The following SERPINA4 variants were observed in gnomAD, a reference collection of about 807,000 sequenced individuals.
SERPINA4 encodes the protein kallistatin.
Under a neutral mutation model 25.4 loss-of-function variants are expected in SERPINA4, and 24 were observed. The ratio of observed to expected loss-of-function variants is 0.95; its 90% CI spans 0.69 to 1.33. The LOEUF is 1.33. SERPINA4 is among the 40% of genes most tolerant of loss of function. The pLI is 0.00. For missense variants in SERPINA4, 553 were observed against 535.8 expected (o/e 1.03, Z -0.32); for synonymous variants, 242 against 223.6 (o/e 1.08, Z -0.73).
Position 94,567,072 on chromosome 14 carries a change from A to G in SERPINA4, c.752A>G (p.Glu251Gly). The G allele has an allele frequency of 6.2e-7, 1 of 1,614,194 alleles. No individual in the cohort carries two copies. Among genetic ancestry groups the G allele is most frequent in the Non-Finnish European group, 8.5e-7 (1 of 1,180,036 alleles). ...GTGCCCATGATGCTGCAGGACCAGG[A>G]GCATCACTGGTATCTTCATGACAGA... ...VRVPMMLQDQ[E>G]HHWYLHDRYL... is the part of the protein sequence containing the mutation. Residue 251 changes from glutamate to glycine, a missense_variant, in exon 3 of 5, where the codon GAG becomes GGG. Glu to Gly is a moderately conservative substitution (Grantham distance 98, BLOSUM62 -2). Coordinates refer to ENST00000557004, the MANE Select transcript of SERPINA4 (RefSeq NM_006215.4).
intron 2 of SERPINA4, among the ~76,000 whole-genome samples, chr14:94,564,389 A>C (rs982948993): frequency 6.6e-6 from 1 of 152,224 alleles, no homozygotes; most frequent in African/African-American, 2.4e-5. Flanking sequence ...GCCAGTGATC[A>C]TTAGTTGAAT....
chr14:94,563,638 C>G lies in SERPINA4; in HGVS notation c.156C>G (p.Ala52=), dbSNP rs1902098271. The change falls in exon 2 of 5, where the codon GCC becomes GCG. Residue 52 remains alanine, a synonymous_variant. Transcript: ENST00000557004. ...AGGGCTCCCCCAGCCTCAAGATAGC[C>G]CCTGCCAATGCTGACTTTGCCTTCC... ...TGEGSPSLKI[A]PANADFAFRF... 6.2e-7 allele frequency: 1 copy of G among 1,613,766 alleles called. No individual in the cohort carries two copies. Among genetic ancestry groups the G allele is most frequent in the Admixed American group, 1.7e-5 (1 of 60,006 alleles).
chr14:94,562,741 G>A (rs1361013017), intron 1 of SERPINA4, among the ~76,000 whole-genome samples: 1 of 152,206 alleles, frequency 6.6e-6, no homozygotes, highest in Non-Finnish European at 1.5e-5. Context: ...ACCATTTGAT[G>A]GGGCAGGAGC....
In SERPINA4 at chr14:94,569,651, G is replaced by T; in HGVS notation, c.*56G>T. 2 of 1,567,856 alleles carry T rather than the reference G, an allele frequency of 1.3e-6. No homozygotes were observed. Among genetic ancestry groups the T allele is most frequent in the Non-Finnish European group, 1.8e-6 (2 of 1,139,852 alleles). ...AGGAGGATGTGGCAGGGGAGGGCTG[G>T]GAGTGAGTAGCTCTGTGTTTAGAGT... On this transcript the variant is annotated 3_prime_UTR_variant, in exon 5 of 5. Coordinates refer to ENST00000557004, the MANE Select transcript of SERPINA4 (RefSeq NM_006215.4).
rs968713256 is a variant in SERPINA4 at position 94,561,626 on chromosome 14, G to A, written c.-18+132G>A. 4.1e-5 allele frequency: 52 copies of A among 1,274,056 alleles called. 1 individual carries two copies. The Middle Eastern group carries it at 1.6e-3, about 39-fold the overall frequency. 78.9% of individuals were successfully genotyped at this position (1,274,056 alleles called of 1,614,324 possible). A position where few individuals can be genotyped will look rare whatever the true frequency, so the allele number is the denominator to read the frequency against. On this transcript the variant is annotated intron_variant, in intron 1 of 4. Coordinates refer to ENST00000557004, the MANE Select transcript of SERPINA4 (RefSeq NM_006215.4). ...CTAAAACCAGGAAAGTCCCAGGCAA[G>A]CTGGGACACTTTGTCACTCTTGCTA...
chr14:94,567,808 A>G (rs984261695), intron 3 of SERPINA4, among the ~76,000 whole-genome samples: 6 of 152,260 alleles, frequency 3.9e-5, no homozygotes, highest in African/African-American at 4.8e-5. Context: ...TAAAACCCAC[A>G]GGGCTATAAC....
rs892395392 is a variant in SERPINA4 at position 94,569,814 on chromosome 14, C to A, written c.*219C>A. ...GCTGTGCAGCCTCTGGCAGAGCATC[C>A]GACCTCTTGGAGCAAGTTTCTGCCT... On this transcript the variant is annotated 3_prime_UTR_variant, in exon 5 of 5. Transcript: ENST00000557004. 3 of 585,544 alleles carry A rather than the reference C, an allele frequency of 5.1e-6. No homozygotes were observed. In the African/African-American group the frequency reaches 5.6e-5, roughly 11 times the overall value. The allele number at this position is 585,544 out of a possible 1,614,324, so 36.3% of individuals were successfully genotyped here.
In SERPINA4 at chr14:94,564,106, G is replaced by T. The variant is rs1275244810; in HGVS notation, c.624G>T (p.Val208=). ...AGCTCAAGAAGGACGTCTTGATGGT[G>T]CTGGTGAATTACATTTACTTCAAAG... ...VSELKKDVLM[V]LVNYIYFKAL... Residue 208 remains valine, a synonymous_variant, in exon 2 of 5, where the codon GTG becomes GTT. Coordinates refer to ENST00000557004, the MANE Select transcript of SERPINA4 (RefSeq NM_006215.4). 3.1e-6 allele frequency: 5 copies of T among 1,601,272 alleles called. No homozygotes were observed. Among genetic ancestry groups the T allele is most frequent in the Non-Finnish European group, 4.2e-6 (5 of 1,179,938 alleles).
rs1212049571 is a variant in SERPINA4 at position 94,564,039 on chromosome 14, T to C, written c.557T>C (p.Val186Ala). 6.2e-7 allele frequency: 1 copy of C among 1,612,432 alleles called. No homozygotes were observed. The highest frequency in any genetic ancestry group is 1.3e-5 in the African/African-American group (1 of 75,044). The change falls in exon 2 of 5, where the codon GTC (valine) becomes GCC (alanine). Residue 186 changes from valine to alanine, a missense_variant. Val to Ala is a moderately conservative substitution (Grantham distance 64). Transcript: ENST00000557004. Reference sequence around the variant, plus strand: ...ACAATCCAGCTTATCAACGACCACGTCAAGAAGGAAACTCGAGGGAAGATT... The same window carrying C: ...ACAATCCAGCTTATCAACGACCACGCCAAGAAGGAAACTCGAGGGAAGATT... The part of the protein sequence containing the change: ...VGTIQLINDH[V>A]KKETRGKIVD...
intron 1 of SERPINA4, among the ~76,000 whole-genome samples, chr14:94,563,051 C>T (rs1474255981): frequency 1.3e-5 from 2 of 152,206 alleles, no homozygotes; most frequent in Admixed American, 6.5e-5. Context: ...CTAATGAAAT[C>T]AACTCATCTG....
chr14:94,566,999 A>T lies in SERPINA4; in HGVS notation c.679A>T (p.Arg227Trp). The T allele has an allele frequency of 6.2e-7, 1 of 1,614,090 alleles. No homozygotes were observed. The highest frequency in any genetic ancestry group is 8.5e-7 in the Non-Finnish European group (1 of 1,179,986). Residue 227 changes from arginine (R) to tryptophan (W), a missense_variant, in exon 3 of 5, where the codon AGG (arginine) becomes TGG (tryptophan). By Grantham distance (101) the Arg-to-Trp change is moderately radical. Transcript: ENST00000557004. ...GTGGGAGAAACCATTCATTTCCTCA[A>T]GGACCACTCCCAAAGACTTCTATGT... The part of the protein sequence containing the change: ...ALWEKPFISS[R>W]TTPKDFYVDE...
At chr14:94,567,290 A>G in intron 3 of SERPINA4, 47 bp downstream of exon 3, 1 of 1,546,268 alleles carries the variant, frequency 6.5e-7, no homozygotes, top group Non-Finnish European at 8.7e-7. Flanking sequence ...TATCCATCAA[A>G]TGTAACTTTC....
In SERPINA4 at chr14:94,563,464, A is replaced by C. The variant is rs1902088190; in HGVS notation, c.-17-2A>C. The C allele has an allele frequency of 1.3e-6, 2 of 1,596,500 alleles. No homozygotes were observed. The highest frequency in any genetic ancestry group is 1.7e-6 in the Non-Finnish European group (2 of 1,168,474). ...TCCTGGGCATTCTCTTCCCTCCCAT[A>C]GGCCTGAGAGTGCAGAGGATGCATC... On this transcript the variant is annotated splice_acceptor_variant, in intron 1 of 4. Coordinates refer to ENST00000557004, the MANE Select transcript of SERPINA4 (RefSeq NM_006215.4). LOFTEE classifies it low-confidence loss of function (5UTR_SPLICE).
Position 94,564,051 on chromosome 14 carries a change from C to CT in SERPINA4, c.570dup (p.Arg191SerfsTer10). On this transcript the variant is annotated frameshift_variant, in exon 2 of 5. Transcript: ENST00000557004. LOFTEE classifies it high-confidence loss of function. ...ATCAACGACCACGTCAAGAAGGAAA[C>CT]TCGAGGGAAGATTGTGGATTTGGTC... 6.2e-7 allele frequency: 1 copy of CT among 1,610,470 alleles called. No homozygotes were observed.
In SERPINA4 at chr14:94,565,263, G is replaced by A. The variant is rs1024561249; in HGVS notation, c.649+1132G>A. ...ACTGCATAGTTTCTGTGGTAGCCTG[G>A]GGCTGCTGTTGTTTAGTGGGGTTAG... On this transcript the variant is annotated intron_variant, in intron 2 of 4. Coordinates refer to ENST00000557004, the MANE Select transcript of SERPINA4 (RefSeq NM_006215.4). Among the ~76,000 whole-genome samples the A allele has an allele frequency of 4.6e-5, 7 of 152,270 alleles. No individual in the cohort carries two copies. The East Asian group carries it at 7.7e-4, about 17-fold the overall frequency.
chr14:94,569,048 T>C (rs1902311897), intron 4 of SERPINA4, among the ~76,000 whole-genome samples: 1 of 152,112 alleles, frequency 6.6e-6, no homozygotes, highest in African/African-American at 2.4e-5. Context: ...GTTCTTCCTC[T>C]TATGGTTATT....
chr14:94,569,381 G>A lies in SERPINA4; in HGVS notation c.1084-14G>A, dbSNP rs2139909106. On this transcript the variant is annotated splice_polypyrimidine_tract_variant and intron_variant, in intron 4 of 4. Coordinates refer to ENST00000557004, the MANE Select transcript of SERPINA4 (RefSeq NM_006215.4). ...TTGCTGGCTTGGAGATAATGCTTGTGATTTTCCTCCCAGAGTTTCCACAAG... is the reference window on the plus strand; with the variant it reads ...TTGCTGGCTTGGAGATAATGCTTGTAATTTTCCTCCCAGAGTTTCCACAAG... 3.1e-6 allele frequency: 5 copies of A among 1,612,130 alleles called. 1 individual carries two copies. In the South Asian group the frequency reaches 3.3e-5, roughly 11 times the overall value.
rs769158748 is a variant in SERPINA4 at position 94,563,620 on chromosome 14, C to G, written c.138C>G (p.Ser46=). 1.2e-6 allele frequency: 2 copies of G among 1,613,934 alleles called. No homozygotes were observed. Among genetic ancestry groups the G allele is most frequent in the South Asian group, 2.2e-5 (2 of 91,076 alleles). ...AGATTCTGGAGACAGGTGAGGGCTC[C>G]CCCAGCCTCAAGATAGCCCCTGCCA... ...HQQILETGEG[S]PSLKIAPANA... Residue 46 remains serine, a synonymous_variant, in exon 2 of 5, where the codon TCC becomes TCG. Coordinates refer to ENST00000557004, the MANE Select transcript of SERPINA4 (RefSeq NM_006215.4).
chr14:94,562,313 G>C (rs1359997800), intron 1 of SERPINA4, among the ~76,000 whole-genome samples: 1 of 152,166 alleles, frequency 6.6e-6, no homozygotes, highest in Non-Finnish European at 1.5e-5. Context: ...CTGAGCCCTG[G>C]TTGAGGATCA....
Sources: allele counts gnomAD v4.1 joint callset (sites outside exome capture counted in the v4.1 genomes callset), GRCh38; gene constraint gnomAD v4.1.1; transcripts MANE v1.5; gene names NCBI Gene and HGNC (gene_info 2026-07-23, HGNC 2026-07-21).